Variants in CPNE4 observed in about 807,000 individuals in gnomAD.
CPNE4 encodes the protein copine 4, also known as copine-4.
In CPNE4, 25 loss-of-function variants were observed where a neutral mutation model predicts 67.9. The ratio of observed to expected loss-of-function variants is 0.37; its 90% confidence interval spans 0.27 to 0.51. The LOEUF (loss-of-function observed/expected upper bound fraction) is 0.51. CPNE4 is among the 20% of genes least tolerant of loss of function. The pLI is 0.93. For missense variants in CPNE4, 464 were observed against 690.8 expected (o/e 0.67, Z 3.68); for synonymous variants, 242 against 244.9 (o/e 0.99, Z 0.11).
intron 2 of CPNE4, among the ~76,000 whole-genome samples, chr3:131,751,586 G>A (rs960096416): frequency 1.3e-5 from 2 of 151,776 alleles, no homozygotes; most frequent in Non-Finnish European, 2.9e-5. Context: ...TTTAATTATG[G>A]CTGCTTTAAA....
chr3:132,011,749 G>A (rs2073768325), intron 1 of CPNE4, among the ~76,000 whole-genome samples: 1 of 152,184 alleles, frequency 6.6e-6, no homozygotes, highest in African/African-American at 2.4e-5. Flanking sequence ...TATTATGAAG[G>A]ACAATTTCAA....
intron 7 of CPNE4, among the ~76,000 whole-genome samples, chr3:131,604,748 T>C (rs1939401021): frequency 2.0e-5 from 3 of 150,984 alleles, no homozygotes; most frequent in African/African-American, 7.4e-5. Flanking sequence ...GGTGAGTTAA[T>C]ACTTAATAAA....
chr3:131,968,364 T>C (rs2072408934), intron 1 of CPNE4, among the ~76,000 whole-genome samples: 1 of 152,132 alleles, frequency 6.6e-6, no homozygotes, highest in Non-Finnish European at 1.5e-5. Context: ...AAATGGGATC[T>C]AACTAAACTA....
At chr3:131,602,913 T>G (rs2107727367) in intron 7 of CPNE4, among the ~76,000 whole-genome samples, 1 of 152,324 alleles carries the variant, frequency 6.6e-6, no homozygotes, top group South Asian at 2.1e-4. Context: ...TCCTAGTTAA[T>G]GCATAGATAC....
intron 2 of CPNE4, among the ~76,000 whole-genome samples, chr3:131,801,853 G>A (rs140328102): frequency 0.028 from 1,669 of 59,274 alleles, 49 homozygotes; most frequent in African/African-American, 0.098. Context: ...TCCAAGCCGC[G>A]CTAGGATTTG....
intron 5 of CPNE4, among the ~76,000 whole-genome samples, chr3:131,694,408 A>G (rs1020478829): frequency 3.3e-5 from 5 of 152,174 alleles, no homozygotes; most frequent in African/African-American, 9.7e-5. Context: ...TCACAAAAAT[A>G]TTGTGGCAGT....
chr3:131,814,639 C>G (rs1454854830), intron 2 of CPNE4, among the ~76,000 whole-genome samples: 3 of 89,284 alleles, frequency 3.4e-5, no homozygotes, highest in Non-Finnish European at 5.4e-5. Context: ...GAGTCTCGCT[C>G]TGTCGCCCAG....
rs554637352 is a variant in CPNE4, at chr3:131,618,598, A to G, written c.682-31016T>C. On this transcript the variant is annotated intron_variant, in intron 7 of 15. Coordinates refer to ENST00000429747, the MANE Select transcript of CPNE4 (RefSeq NM_130808.3). The stretch of plus-strand genomic sequence containing the variant: ...TCTAGGATATTTATGGAAAGAAAGT[A>G]CAGTTTAAGGTAGAATGTGTTTTCT... Among the ~76,000 whole-genome samples the G allele has an allele frequency of 9.2e-5, 14 of 152,318 alleles. No homozygotes were observed. The East Asian group carries it at 2.7e-3, about 29-fold the overall frequency.
At chr3:131,577,974 C>A (rs968453279) in intron 9 of CPNE4, among the ~76,000 whole-genome samples, 7 of 151,980 alleles carry the variant, frequency 4.6e-5, no homozygotes, top group African/African-American at 1.7e-4. Flanking sequence ...CTAATAAGCC[C>A]TTCATAAGTT....
intron 9 of CPNE4, among the ~76,000 whole-genome samples, chr3:131,579,062 A>T (rs1317596980): frequency 1.3e-5 from 2 of 152,202 alleles, no homozygotes; most frequent in African/African-American, 2.4e-5. Flanking sequence ...TAGAGAGAAG[A>T]AGTCACTGCC....
In CPNE4 at chr3:131,876,458, C is replaced by T. The variant is rs188863794; in HGVS notation, c.180+28806G>A. 9.3e-3 allele frequency among the ~76,000 whole-genome samples: 1,398 copies of T among 151,006 alleles called. 29 individuals carry two copies. The highest frequency in any genetic ancestry group is 0.032 in the African/African-American group (1,315 of 41,198). On this transcript the variant is annotated intron_variant, in intron 2 of 15. Coordinates refer to ENST00000429747, the MANE Select transcript of CPNE4 (RefSeq NM_130808.3). ...GAGATCGAGACCATCCTGGCTAACA[C>T]GGTGAAACCCCATCTCTACTAAAAA... is the stretch of plus-strand genomic sequence containing the variant.
rs1442722413 is a variant in CPNE4, at chr3:131,956,194, G to A, written c.-1-50750C>T. 1.3e-5 allele frequency among the ~76,000 whole-genome samples: 2 copies of A among 151,990 alleles called. 1 individual carries two copies. The highest frequency in any genetic ancestry group is 1.3e-4 in the Admixed American group (2 of 15,256). ...TAGAATTATTTTACTGTCAGTATCC[G>A]GTTTCAGTGTCAAAGTAATACTTAT... On this transcript the variant is annotated intron_variant, in intron 1 of 15. Transcript: ENST00000429747.
intron 7 of CPNE4, among the ~76,000 whole-genome samples, chr3:131,625,670 G>A (rs114838587): frequency 1.6e-3 from 237 of 152,258 alleles, no homozygotes; most frequent in Non-Finnish European, 2.9e-3. Flanking sequence ...GCCTGAAGTC[G>A]TGGATAGAAC....
chr3:131,628,218 T>C (rs1353352303), intron 7 of CPNE4, among the ~76,000 whole-genome samples: 1 of 152,184 alleles, frequency 6.6e-6, no homozygotes, highest in South Asian at 2.1e-4. Context: ...CAACACCCTC[T>C]GTATTAGTCC....
At chr3:131,744,746 G>A (rs957434165) in intron 2 of CPNE4, among the ~76,000 whole-genome samples, 4 of 152,198 alleles carry the variant, frequency 2.6e-5, no homozygotes, top group Non-Finnish European at 5.9e-5. Context: ...GATTCATCCA[G>A]GTTGTTGTGT....
intron 1 of CPNE4, among the ~76,000 whole-genome samples, chr3:131,918,061 A>C (rs930418340): frequency 3.3e-5 from 5 of 152,226 alleles, no homozygotes; most frequent in South Asian, 2.1e-4. Context: ...GATCAAATTT[A>C]ATCCTTTCAA....
chr3:131,953,349 G>A (rs532605209), intron 1 of CPNE4, among the ~76,000 whole-genome samples: 1 of 151,166 alleles, frequency 6.6e-6, no homozygotes, highest in African/African-American at 2.4e-5. Context: ...TATTTTAGCT[G>A]CGGATTTGTC....
intron 1 of CPNE4, among the ~76,000 whole-genome samples, chr3:131,911,968 C>A (rs1298247736): frequency 2.0e-5 from 3 of 152,232 alleles, no homozygotes; most frequent in East Asian, 3.9e-4. Flanking sequence ...GAGTGATCAG[C>A]TACCTCTAGG....
intron 2 of CPNE4, among the ~76,000 whole-genome samples, chr3:131,889,183 T>C (rs1463227228): frequency 6.6e-6 from 1 of 152,208 alleles, no homozygotes; most frequent in Non-Finnish European, 1.5e-5. Context: ...TCTATTGTTG[T>C]TACCTTCATT....
Sources: gnomAD v4.1 joint callset for allele counts (sites outside exome capture counted in the v4.1 genomes callset) on GRCh38, gnomAD v4.1.1 for gene constraint, MANE v1.5 for transcripts, NCBI Gene and HGNC (gene_info 2026-07-23, HGNC 2026-07-21) for gene names.